The following CTIF variants were observed in gnomAD, a reference collection of about 807,000 sequenced individuals.
CTIF encodes cap binding complex dependent translation initiation factor.
CTIF carries 21 observed loss-of-function variants against 66.0 expected under a neutral mutation model. The ratio of observed to expected loss-of-function variants is 0.32; its 90% CI spans 0.23 to 0.46. The LOEUF (loss-of-function observed/expected upper bound fraction) is 0.46. CTIF is among the 20% of genes least tolerant of loss of function. The pLI is 1.00. For synonymous variants in CTIF, 345 were observed against 326.4 expected, an observed-to-expected ratio of 1.06 and a Z score of -0.62; for missense variants, 739 against 812.7, an observed-to-expected ratio of 0.91 and a Z score of 1.10.
At chr18:48,691,866 T>C (rs1328241135) in intron 6 of CTIF, among the ~76,000 whole-genome samples, 1 of 152,190 alleles carries the variant, frequency 6.6e-6, no homozygotes, top group African/African-American at 2.4e-5. Flanking sequence ...AGGACAATCC[T>C]ATTTACCTGC....
At chr18:48,644,741 G>C (rs1442844145) in intron 3 of CTIF, among the ~76,000 whole-genome samples, 4 of 152,230 alleles carry the variant, frequency 2.6e-5, no homozygotes, top group Non-Finnish European at 5.9e-5. Flanking sequence ...GGAGATGGCA[G>C]CATGTGAGTA....
intron 6 of CTIF, among the ~76,000 whole-genome samples, chr18:48,695,347 C>T (rs1330698500): frequency 6.6e-6 from 1 of 152,178 alleles, no homozygotes; most frequent in African/African-American, 2.4e-5. Context: ...CATTGCTGTG[C>T]AGAGTCATTA....
intron 6 of CTIF, among the ~76,000 whole-genome samples, chr18:48,697,315 G>A (rs1276095409): frequency 3.9e-5 from 6 of 152,248 alleles, no homozygotes; most frequent in Admixed American, 3.3e-4. Context: ...GGGGAGGCAA[G>A]CATTTAAGTA....
At chr18:48,546,900 G>C (rs1030584872) in intron 1 of CTIF, among the ~76,000 whole-genome samples, 1 of 152,196 alleles carries the variant, frequency 6.6e-6, no homozygotes, top group Non-Finnish European at 1.5e-5. Flanking sequence ...AGGCCTGTTA[G>C]AGCTTTGAAT....
At chr18:48,730,490 G>GCCCCCGCA (rs2092438871) in intron 7 of CTIF, among the ~76,000 whole-genome samples, 1 of 123,670 alleles carries the variant, frequency 8.1e-6, no homozygotes, top group Non-Finnish European at 1.7e-5. Context: ...CGGTGTGAGG[G>GCCCCCGCA]GCTTCTGCGG....
intron 7 of CTIF, among the ~76,000 whole-genome samples, chr18:48,726,902 T>A (rs2092391407): frequency 6.6e-6 from 1 of 151,992 alleles, no homozygotes; most frequent in Admixed American, 6.6e-5. Context: ...GTCTCACCCC[T>A]CCCAATGTCT....
chr18:48,725,445 T>C (rs774348604), intron 7 of CTIF, among the ~76,000 whole-genome samples: 1 of 152,116 alleles, frequency 6.6e-6, no homozygotes, highest in Non-Finnish European at 1.5e-5. Context: ...CTCGGCGCCC[T>C]TTCCGGGAGA....
intron 3 of CTIF, among the ~76,000 whole-genome samples, chr18:48,652,827 T>G (rs1040604492): frequency 4.6e-5 from 7 of 152,126 alleles, no homozygotes; most frequent in Non-Finnish European, 8.8e-5. Context: ...GTTCAACATA[T>G]GCAAATCAAT....
chr18:48,613,287 C>T lies in CTIF; in HGVS notation c.-28-6251C>T, dbSNP rs756211498. 7.9e-5 allele frequency among the ~76,000 whole-genome samples: 12 copies of T among 152,288 alleles called. No homozygotes were observed. In the Middle Eastern group the frequency reaches 0.01, roughly 129 times the overall value. On this transcript the variant is annotated intron_variant, in intron 1 of 11. Transcript: ENST00000256413. ...GTCAGCCTTACCTTTTCCTCCAGAC[C>T]TCCTGCCTCTGAAGGTCAGACTCAA...
At chr18:48,609,898 G>C (rs2090274778) in intron 1 of CTIF, among the ~76,000 whole-genome samples, 1 of 152,234 alleles carries the variant, frequency 6.6e-6, no homozygotes, top group Non-Finnish European at 1.5e-5. Flanking sequence ...GTGACCTTGA[G>C]GGTGTGGGGG....
chr18:48,542,306 G>A (rs116364223), intron 1 of CTIF, among the ~76,000 whole-genome samples: 2,754 of 152,320 alleles, frequency 0.018, 81 homozygotes, highest in African/African-American at 0.061. Context: ...ACACTTACCT[G>A]TGTTTGTATG....
intron 1 of CTIF, among the ~76,000 whole-genome samples, chr18:48,601,537 A>G (rs905979234): frequency 1.3e-5 from 2 of 152,224 alleles, no homozygotes; most frequent in Admixed American, 1.3e-4. Context: ...TAAACATGGC[A>G]CAATATTATT....
intron 7 of CTIF, among the ~76,000 whole-genome samples, chr18:48,738,222 C>T (rs1351284974): frequency 6.6e-6 from 1 of 152,218 alleles, no homozygotes; most frequent in Admixed American, 6.5e-5. Flanking sequence ...CCAGGATCTC[C>T]ACCTCTTACT....
At chr18:48,728,253 T>G (rs2092402465) in intron 7 of CTIF, among the ~76,000 whole-genome samples, 2 of 152,212 alleles carry the variant, frequency 1.3e-5, no homozygotes. Flanking sequence ...GGTCTCTTCA[T>G]GGCATTTGAA....
intron 1 of CTIF, among the ~76,000 whole-genome samples, chr18:48,571,521 ATTCTTATTC>A (rs1472499576): frequency 6.6e-6 from 1 of 152,168 alleles, no homozygotes; most frequent in Non-Finnish European, 1.5e-5. Flanking sequence ...CAAGGAATAT[ATTCTTATTC>A]TTTCTTATAT....
At chr18:48,559,836 C>A (rs538160239) in intron 1 of CTIF, among the ~76,000 whole-genome samples, 1 of 152,060 alleles carries the variant, frequency 6.6e-6, no homozygotes, top group African/African-American at 2.4e-5. Context: ...GATCAAAAAA[C>A]GACCTGTTGG....
intron 1 of CTIF, among the ~76,000 whole-genome samples, chr18:48,609,856 G>A (rs1194085040): frequency 6.6e-6 from 1 of 152,232 alleles, no homozygotes; most frequent in East Asian, 1.9e-4. Context: ...AATGTCATGG[G>A]AAGAGGTTTG....
At chr18:48,588,610 CT>C (rs2089822298) in intron 1 of CTIF, among the ~76,000 whole-genome samples, 1 of 152,078 alleles carries the variant, frequency 6.6e-6, no homozygotes, top group African/African-American at 2.4e-5. Flanking sequence ...CCTGACCTGT[CT>C]GTCCTGCCCC....
chr18:48,823,753 G>A (rs897875741), intron 10 of CTIF, among the ~76,000 whole-genome samples: 1 of 152,066 alleles, frequency 6.6e-6, no homozygotes, highest in Non-Finnish European at 1.5e-5. Flanking sequence ...AGATTGCTTT[G>A]AATAGTGTGA....
Sources: gnomAD v4.1 joint callset for allele counts (sites outside exome capture counted in the v4.1 genomes callset) on GRCh38, gnomAD v4.1.1 for gene constraint, MANE v1.5 for transcripts, NCBI Gene and HGNC (gene_info 2026-07-23, HGNC 2026-07-21) for gene names.